ALDH8A1: variants seen among roughly 807,000 people sequenced by gnomAD.
ALDH8A1 encodes the protein aldehyde dehydrogenase 8 family member A1.
In ALDH8A1, 39 loss-of-function variants were observed where a neutral mutation model predicts 43.3. That is an observed-to-expected ratio of 0.90 (90% confidence interval 0.70 to 1.18). ALDH8A1 has a LOEUF of 1.18. ALDH8A1 is among the 50% of genes most tolerant of loss of function. The pLI is 0.00. For missense variants in ALDH8A1, 605 were observed against 622.6 expected, an observed-to-expected ratio of 0.97 and a Z score of 0.30; for synonymous variants, 233 against 243.5, an observed-to-expected ratio of 0.96 and a Z score of 0.40.
At position 134,942,550 on chromosome 6, in the gene ALDH8A1, G is replaced by A; in HGVS notation, c.301C>T (p.Leu101=). 1 of 1,613,670 alleles carries A rather than the reference G, an allele frequency of 6.2e-7. No homozygotes were observed. Among genetic ancestry groups the A allele is most frequent in the Non-Finnish European group, 8.5e-7 (1 of 1,179,720 alleles). ...ESKDQGKTLA[L]ARTMDIPRSV... is the part of the protein sequence containing the mutation. ...CGGGGAATGTCCATGGTTCTTGCCA[G>A]TGCTAAGGTTTTCCCTGTAAGAAGC... The change falls in exon 3 of 7, where the codon CTG becomes TTG. Residue 101 remains leucine, a synonymous_variant. Coordinates refer to ENST00000265605, the MANE Select transcript of ALDH8A1 (RefSeq NM_022568.4).
chr6:134,940,720 G>T (rs1773838266), intron 3 of ALDH8A1, among the ~76,000 whole-genome samples: 1 of 152,136 alleles, frequency 6.6e-6, no homozygotes, highest in Non-Finnish European at 1.5e-5. Flanking sequence ...TCTACCTTCT[G>T]AAAGGAAATT....
chr6:134,945,387 T>C (rs1294786989), intron 1 of ALDH8A1, among the ~76,000 whole-genome samples: 1 of 152,092 alleles, frequency 6.6e-6, no homozygotes, highest in Admixed American at 6.5e-5. Flanking sequence ...AAGAGGAGAT[T>C]TGTGGCTGGA....
At chr6:134,947,493 T>A (rs1773973685) in intron 1 of ALDH8A1, among the ~76,000 whole-genome samples, 1 of 152,126 alleles carries the variant, frequency 6.6e-6, no homozygotes, top group Admixed American at 6.5e-5. Flanking sequence ...AAGGGATTAA[T>A]AACCAGAATA....
chr6:134,944,917 CTA>C (rs111982258), intron 1 of ALDH8A1, among the ~76,000 whole-genome samples: 5 of 146,416 alleles, frequency 3.4e-5, no homozygotes, highest in Middle Eastern at 3.6e-3. Context: ...TACATATATA[CTA>C]TATATATATA....
In ALDH8A1 at chr6:134,921,555, G is replaced by C. The variant is rs1020512278; in HGVS notation, c.1012-2688C>G. Among the ~76,000 whole-genome samples, 59 of 152,222 alleles carry C rather than the reference G, an allele frequency of 3.9e-4. 3 individuals carry two copies. The highest frequency in any genetic ancestry group is 2.9e-5 in the Non-Finnish European group (2 of 68,036). On this transcript the variant is annotated intron_variant, in intron 6 of 6. Transcript: ENST00000265605. Reference sequence around the variant, plus strand: ...TCATACCTCCGTTTAGGAGCATGCTGTATCTCCATAAGTCCTTGAGCCCTT... The same window carrying C: ...TCATACCTCCGTTTAGGAGCATGCTCTATCTCCATAAGTCCTTGAGCCCTT...
At chr6:134,937,417 C>T (rs925554413) in intron 4 of ALDH8A1, among the ~76,000 whole-genome samples, 1 of 152,178 alleles carries the variant, frequency 6.6e-6, no homozygotes, top group Non-Finnish European at 1.5e-5. Context: ...ACATGACCCC[C>T]TCTATATTTG....
intron 4 of ALDH8A1, 57 bp downstream of exon 4, chr6:134,939,209 T>C (rs539143702): frequency 6.3e-7 from 1 of 1,589,632 alleles, no homozygotes; most frequent in East Asian, 2.3e-5. Context: ...AAGATTTCTA[T>C]AAACTATAGG....
rs555649060 is a variant in ALDH8A1 at position 134,917,987 on chromosome 6, T to A, written c.*428A>T. 2.7e-5 allele frequency: 5 copies of A among 186,312 alleles called. No individual in the cohort carries two copies. In the South Asian group the frequency reaches 5.0e-4, roughly 19 times the overall value. The allele number at this position is 186,312 out of a possible 1,614,324, so 11.5% of individuals were successfully genotyped here. A position where few individuals can be genotyped will look rare whatever the true frequency, so the allele number is the denominator to read the frequency against. On this transcript the variant is annotated 3_prime_UTR_variant, in exon 7 of 7. Transcript: ENST00000265605. ...CATGTTGCCTAGGCTGATCTCGAAC[T>A]CCTGAACTCAAGTGATCCACCCACC...
rs768919719 is a variant in ALDH8A1, at chr6:134,939,382, T to C, written c.476A>G (p.Tyr159Cys). Residue 159 changes from tyrosine to cysteine, a missense_variant, in exon 4 of 7, where the codon TAC becomes TGC. By Grantham distance (194) the Tyr-to-Cys change is radical. Coordinates refer to ENST00000265605, the MANE Select transcript of ALDH8A1 (RefSeq NM_022568.4). Reference sequence around the variant, plus strand: ...TGGAGCTATCTTCCAGGTCAGCAAGTAGAGTGGCAAATTCCAGGGGCTGAT... The same window carrying C: ...TGGAGCTATCTTCCAGGTCAGCAAGCAGAGTGGCAAATTCCAGGGGCTGAT... ...GLISPWNLPL[Y>C]LLTWKIAPAM... 1 of 1,614,042 alleles carries C rather than the reference T, an allele frequency of 6.2e-7. No homozygotes were observed. Among genetic ancestry groups the C allele is most frequent in the Non-Finnish European group, 8.5e-7 (1 of 1,180,044 alleles).
At position 134,942,494 on chromosome 6, in the gene ALDH8A1, G is replaced by A. The variant is rs776291395; in HGVS notation, c.357C>T (p.Ser119=). ...RSVQNFRFFA[S]SSLHHTSECT... Reference sequence around the variant, plus strand: ...ACTCTGACGTGTGGTGCAGGCTGGAGGAAGCGAAGAACCTGAAGTTCTGCA... The same window carrying A: ...ACTCTGACGTGTGGTGCAGGCTGGAAGAAGCGAAGAACCTGAAGTTCTGCA... Residue 119 remains serine, a synonymous_variant, in exon 3 of 7, where the codon TCC becomes TCT. Coordinates refer to ENST00000265605, the MANE Select transcript of ALDH8A1 (RefSeq NM_022568.4). 4 of 1,614,112 alleles carry A rather than the reference G, an allele frequency of 2.5e-6. No homozygotes were observed. The highest frequency in any genetic ancestry group is 1.1e-5 in the South Asian group (1 of 91,090).
At chr6:134,940,628 G>A (rs1773836863) in intron 3 of ALDH8A1, among the ~76,000 whole-genome samples, 1 of 152,086 alleles carries the variant, frequency 6.6e-6, no homozygotes, top group African/African-American at 2.4e-5. Context: ...GATGAGTAAC[G>A]TAACCAGCAG....
At chr6:134,931,813 T>C (rs374594786) in intron 5 of ALDH8A1, among the ~76,000 whole-genome samples, 65 of 152,362 alleles carry the variant, frequency 4.3e-4, no homozygotes, top group African/African-American at 1.5e-3. Context: ...ATCATGAAGA[T>C]AATAATTGAA....
chr6:134,928,112 A>G (rs1009869450), intron 6 of ALDH8A1, among the ~76,000 whole-genome samples: 3 of 152,132 alleles, frequency 2.0e-5, no homozygotes, highest in African/African-American at 7.2e-5. Context: ...TCTGCTAATA[A>G]CTTGGTCATT....
intron 1 of ALDH8A1, 149 bp downstream of exon 1, chr6:134,949,766 AG>A (rs749162893): frequency 2.3e-6 from 2 of 875,438 alleles, no homozygotes; most frequent in Non-Finnish European, 3.2e-6. Flanking sequence ...TCCAGTTACA[AG>A]GTACATCTTC....
chr6:134,940,824 T>G (rs1773839753), intron 3 of ALDH8A1, among the ~76,000 whole-genome samples: 1 of 152,194 alleles, frequency 6.6e-6, no homozygotes, highest in Non-Finnish European at 1.5e-5. Context: ...AAATCCATTC[T>G]TTAGGGGATA....
chr6:134,922,895 G>A (rs1373868298), intron 6 of ALDH8A1, among the ~76,000 whole-genome samples: 1 of 152,112 alleles, frequency 6.6e-6, no homozygotes, highest in African/African-American at 2.4e-5. Context: ...GTAACGTGCT[G>A]GTTTGTTAGC....
intron 5 of ALDH8A1, among the ~76,000 whole-genome samples, chr6:134,932,354 T>C (rs1035308354): frequency 6.6e-5 from 10 of 152,126 alleles, no homozygotes; most frequent in Admixed American, 2.6e-4. Flanking sequence ...TGGAACTCAG[T>C]GGATGAACGC....
At chr6:134,929,499 G>A (rs1227146013) in intron 5 of ALDH8A1, among the ~76,000 whole-genome samples, 4 of 152,178 alleles carry the variant, frequency 2.6e-5, no homozygotes, top group Non-Finnish European at 5.9e-5. Flanking sequence ...CATGGGGAGG[G>A]GAGCTATTTT....
Position 134,939,403 on chromosome 6 carries a change from C to T in ALDH8A1, c.455G>A (p.Ser152Asn), listed in dbSNP as rs1264783019. The T allele has an allele frequency of 1.2e-6, 2 of 1,613,866 alleles. No homozygotes were observed. The highest frequency in any genetic ancestry group is 2.7e-5 in the African/African-American group (2 of 74,912). Residue 152 changes from serine (S) to asparagine (N), a missense_variant, in exon 4 of 7, where the codon AGC (serine) becomes AAC (asparagine). Transcript: ENST00000265605. Reference sequence around the variant, plus strand: ...CAAGTAGAGTGGCAAATTCCAGGGGCTGATCAGACCAGCTAAGGGATGAGA... The same window carrying T: ...CAAGTAGAGTGGCAAATTCCAGGGGTTGATCAGACCAGCTAAGGGATGAGA... ...RAPVGVAGLI[S>N]PWNLPLYLLT... is the part of the protein sequence containing the mutation.
Sources: gnomAD v4.1 joint callset for allele counts (sites outside exome capture counted in the v4.1 genomes callset) on GRCh38, gnomAD v4.1.1 for gene constraint, MANE v1.5 for transcripts, NCBI Gene and HGNC (gene_info 2026-07-23, HGNC 2026-07-21) for gene names.